Variants in EMC9 observed in about 807,000 individuals in gnomAD.
The protein encoded by EMC9 is ER membrane protein complex subunit 9.
Under a neutral mutation model 25.0 loss-of-function variants are expected in EMC9, and 20 were observed. The ratio of observed to expected loss-of-function variants is 0.80; its 90% CI spans 0.56 to 1.16. The LOEUF is 1.16. Among genes scored for constraint, EMC9 ranks in the 50% most tolerant of loss-of-function variants. The probability of loss-of-function intolerance (pLI) is 0.00; values close to 1 mark genes in which losing one functional copy is unlikely to be tolerated. For synonymous variants in EMC9, 100 were observed against 107.0 expected, an observed-to-expected ratio of 0.93 and a Z score of 0.40; for missense variants, 256 against 268.7, an observed-to-expected ratio of 0.95 and a Z score of 0.33.
rs568875469 is a variant in EMC9 at position 24,139,193 on chromosome 14, C to T, written c.444G>A (p.Val148=). The T allele has an allele frequency of 5.6e-6, 9 of 1,613,990 alleles. No individual in the cohort carries two copies. The highest frequency in any genetic ancestry group is 7.6e-6 in the Non-Finnish European group (9 of 1,179,972). ...GTGACTCTTCCCAGTCCCTCCACATCACTCTGAAATAGTAACCCCCATGGA... is the reference window on the plus strand; with the variant it reads ...GTGACTCTTCCCAGTCCCTCCACATTACTCTGAAATAGTAACCCCCATGGA... ...LRWVPKDKNL[V]MWRDWEESRQ... The change falls in exon 6 of 6, where the codon GTG becomes GTA. Residue 148 remains valine (V), a synonymous_variant. Transcript: ENST00000216799. This position sits in a 1 kb window ranked among gnomAD's most constrained non-coding sequence, Gnocchi z 4.6.
At chr14:24,140,810 C>CCCCCCCAA in intron 3 of EMC9, 79 bp downstream of exon 3, 1 of 1,478,708 alleles carries the variant, frequency 6.8e-7, no homozygotes, top group Admixed American at 1.8e-5. Context: ...GCCCACCGCC[C>CCCCCCCAA]CACGCATCCT....
Position 24,141,511 on chromosome 14 carries a change from G to C in EMC9, c.-86C>G. On this transcript the variant is annotated 5_prime_UTR_variant, in exon 1 of 6. Transcript: ENST00000216799. ...CCCGGCGCCCTGGGTCCCGGAGTCC[G>C]CCCCCGGCCCAGTCCAGGAGGAGGT... is the stretch of plus-strand genomic sequence containing the variant. 3 of 620,422 alleles carry C rather than the reference G, an allele frequency of 4.8e-6. No individual in the cohort carries two copies. In the South Asian group the frequency reaches 5.7e-5, roughly 12 times the overall value. The allele number at this position is 620,422 out of a possible 1,614,324, so 38.4% of individuals were successfully genotyped here. A position where few individuals can be genotyped will look rare whatever the true frequency, so the allele number is the denominator to read the frequency against.
rs1421591882 is a variant in EMC9, at chr14:24,139,462, G to A, written c.346-8C>T. 1 of 1,614,070 alleles carries A rather than the reference G, an allele frequency of 6.2e-7. No individual in the cohort carries two copies. Among genetic ancestry groups the A allele is most frequent in the East Asian group, 2.2e-5 (1 of 44,884 alleles). ...CAGTTTCTGATTATCCAACTGAGTG[G>A]ACAAAGATGGGCAAGTGAGAGTTTC... On this transcript the variant is annotated splice_polypyrimidine_tract_variant and splice_region_variant and intron_variant, in intron 4 of 5. Transcript: ENST00000216799. The surrounding 1 kb of genome is among the most constrained non-coding windows in gnomAD (Gnocchi z 4.6).
chr14:24,141,229 C>T lies in EMC9; in HGVS notation c.76G>A (p.Val26Ile), dbSNP rs142404249. 1.2e-6 allele frequency: 2 copies of T among 1,614,108 alleles called. No homozygotes were observed. The highest frequency in any genetic ancestry group is 1.7e-5 in the Admixed American group (1 of 60,010). ...GCTGGCGCCAAAAACAGCCCGTTGA[C>T]TGCGGCGTGTGGGTACCGGGCAGCA... ...LHAARYPHAAVNGLFLAPAPR... is the reference protein window; with the variant it reads ...LHAARYPHAAINGLFLAPAPR... The change falls in exon 2 of 6, where the codon GTC becomes ATC. Residue 26 changes from valine to isoleucine, a missense_variant. Physicochemically the swap from Val to Ile is conservative, Grantham distance 29. Transcript: ENST00000216799.
intron 3 of EMC9, 98 bp downstream of exon 3, chr14:24,140,791 C>T (rs1451283932): frequency 7.6e-7 from 1 of 1,322,682 alleles, no homozygotes; most frequent in Admixed American, 1.8e-5. Flanking sequence ...TCTTGTGCGC[C>T]CCCGCCCCGC....
At chr14:24,140,420 TAATA>T (rs2038025782) in intron 3 of EMC9, 1 of 151,012 alleles carries the variant, frequency 6.6e-6, no homozygotes, top group Non-Finnish European at 1.5e-5. Context: ...TAAAAAATAA[TAATA>T]AATTAAAAAA....
intron 3 of EMC9, chr14:24,140,414 AAAT>A (rs1232775280): frequency 6.6e-6 from 1 of 151,358 alleles, no homozygotes; most frequent in East Asian, 1.9e-4. Context: ...TAAAAATAAA[AAAT>A]AATAATAAAT....
Position 24,139,283 on chromosome 14 carries a change from T to G in EMC9, c.440+77A>C. On this transcript the variant is annotated intron_variant, in intron 5 of 5. Transcript: ENST00000216799. This position sits in a 1 kb window ranked among gnomAD's most constrained non-coding sequence, Gnocchi z 4.6. ...AGAGATTGGGTCTAGAGAAAGACCC[T>G]TGGGGCAGGGCCAAGGACAGAGGAG... 6.2e-7 allele frequency: 1 copy of G among 1,600,720 alleles called. No homozygotes were observed. Among genetic ancestry groups the G allele is most frequent in the South Asian group, 1.1e-5 (1 of 90,096 alleles).
At position 24,139,461 on chromosome 14, in the gene EMC9, G is replaced by A. The variant is rs2037995404; in HGVS notation, c.346-7C>T. 2 of 1,613,938 alleles carry A rather than the reference G, an allele frequency of 1.2e-6. No homozygotes were observed. Among genetic ancestry groups the A allele is most frequent in the Admixed American group, 1.7e-5 (1 of 59,988 alleles). On this transcript the variant is annotated splice_polypyrimidine_tract_variant and splice_region_variant and intron_variant, in intron 4 of 5. Coordinates refer to ENST00000216799, the MANE Select transcript of EMC9 (RefSeq NM_016049.4). This position sits in a 1 kb window ranked among gnomAD's most constrained non-coding sequence, Gnocchi z 4.6. ...CCAGTTTCTGATTATCCAACTGAGT[G>A]GACAAAGATGGGCAAGTGAGAGTTT...
At position 24,140,146 on chromosome 14, in the gene EMC9, A is replaced by AATATAT. The variant is rs57120459; in HGVS notation, c.276-538_276-533dup. 2.7e-3 allele frequency: 411 copies of AATATAT among 154,538 alleles called. 3 individuals carry two copies. Among genetic ancestry groups the AATATAT allele is most frequent in the African/African-American group, 9.7e-3 (395 of 40,556 alleles). The allele number at this position is 154,538 out of a possible 1,614,324, so 9.6% of individuals were successfully genotyped here. A position where few individuals can be genotyped will look rare whatever the true frequency, so the allele number is the denominator to read the frequency against. ...CTCTAATTGCTCCATGTATATGATT[A>AATATAT]ATATATATATATATATATATATGTC... is the stretch of plus-strand genomic sequence containing the variant. On this transcript the variant is annotated intron_variant, in intron 3 of 5. Coordinates refer to ENST00000216799, the MANE Select transcript of EMC9 (RefSeq NM_016049.4).
In EMC9 at chr14:24,139,708, C is replaced by T. The variant is rs1441747047; in HGVS notation, c.276-94G>A. The T allele has an allele frequency of 6.4e-7, 1 of 1,555,890 alleles. No individual in the cohort carries two copies. Among genetic ancestry groups the T allele is most frequent in the Non-Finnish European group, 8.7e-7 (1 of 1,149,720 alleles). ...CTCCCAGGTCTCATAGGTGTGGGCG[C>T]AGCTGTGGCCTTTCCCTGTAGGTGG... On this transcript the variant is annotated intron_variant, in intron 3 of 5. Transcript: ENST00000216799. This position sits in a 1 kb window ranked among gnomAD's most constrained non-coding sequence, Gnocchi z 4.6.
At chr14:24,140,802 C>G in intron 3 of EMC9, 87 bp downstream of exon 3, 1 of 1,374,044 alleles carries the variant, frequency 7.3e-7, no homozygotes. Context: ...CCCGCCCCGC[C>G]CACCGCCCCA....
rs779202856 is a variant in EMC9 at position 24,139,138 on chromosome 14, G to A, written c.499C>T (p.Arg167Trp). The A allele has an allele frequency of 9.3e-6, 15 of 1,614,176 alleles. No homozygotes were observed. Among genetic ancestry groups the A allele is most frequent in the East Asian group, 8.9e-5 (4 of 44,894 alleles). The stretch of plus-strand genomic sequence containing the variant: ...AAGTCCACAAGGTGCTGGTGGGCCC[G>A]ATCTTCCAGTAGAGCTCCCACCATC... Reference protein sequence around the residue: ...RQMVGALLEDRAHQHLVDFDC... With the variant: ...RQMVGALLEDWAHQHLVDFDC... The change falls in exon 6 of 6, where the codon CGG becomes TGG. Residue 167 changes from arginine to tryptophan, a missense_variant. Arg to Trp is a moderately radical substitution (Grantham distance 101). Coordinates refer to ENST00000216799, the MANE Select transcript of EMC9 (RefSeq NM_016049.4). The surrounding 1 kb of genome is among the most constrained non-coding windows in gnomAD (Gnocchi z 4.6).
chr14:24,140,916 T>C lies in EMC9; in HGVS notation c.248A>G (p.His83Arg). The change falls in exon 3 of 6, where the codon CAT (histidine) becomes CGT (arginine). Residue 83 changes from histidine (H) to arginine (R), a missense_variant. His to Arg is a conservative substitution (Grantham distance 29). Coordinates refer to ENST00000216799, the MANE Select transcript of EMC9 (RefSeq NM_016049.4). ...QAGLVVAGYY[H>R]ANAAVNDQSP... ...CTGATCGTTCACAGCTGCATTGGCA[T>C]GGTAGTAACCAGCCACCACCAGACC... The C allele has an allele frequency of 1.2e-6, 2 of 1,614,160 alleles. No homozygotes were observed. The highest frequency in any genetic ancestry group is 1.7e-6 in the Non-Finnish European group (2 of 1,180,020).
rs1194114357 is a variant in EMC9, at chr14:24,139,445, GATT to G, written c.352_354del (p.Asn118del). ...ACACGAGGCTGAGGCACCAGTTTCT[GATT>G]ATCCAACTGAGTGGACAAAGATGGG... is the stretch of plus-strand genomic sequence containing the variant. On this transcript the variant is annotated inframe_deletion, in exon 5 of 6. Coordinates refer to ENST00000216799, the MANE Select transcript of EMC9 (RefSeq NM_016049.4). The surrounding 1 kb of genome is among the most constrained non-coding windows in gnomAD (Gnocchi z 4.6). The G allele has an allele frequency of 6.2e-7, 1 of 1,614,026 alleles. No individual in the cohort carries two copies. The highest frequency in any genetic ancestry group is 8.5e-7 in the Non-Finnish European group (1 of 1,180,042).
rs757790489 is a variant in EMC9, at chr14:24,139,137, C to T, written c.500G>A (p.Arg167Gln). ...AAAGTCCACAAGGTGCTGGTGGGCC[C>T]GATCTTCCAGTAGAGCTCCCACCAT... ...RQMVGALLEDRAHQHLVDFDC... is the reference protein window; with the variant it reads ...RQMVGALLEDQAHQHLVDFDC... Residue 167 changes from arginine (R) to glutamine (Q), a missense_variant, in exon 6 of 6, where the codon CGG (arginine) becomes CAG (glutamine). Transcript: ENST00000216799. The surrounding 1 kb of genome is among the most constrained non-coding windows in gnomAD (Gnocchi z 4.6). 7.4e-6 allele frequency: 12 copies of T among 1,614,164 alleles called. No individual in the cohort carries two copies. The highest frequency in any genetic ancestry group is 2.2e-5 in the East Asian group (1 of 44,892).
rs1316705238 is a variant in EMC9, at chr14:24,139,274, G to A, written c.441-78C>T. 2 of 1,597,572 alleles carry A rather than the reference G, an allele frequency of 1.3e-6. No individual in the cohort carries two copies. The highest frequency in any genetic ancestry group is 4.5e-5 in the East Asian group (2 of 44,764). On this transcript the variant is annotated intron_variant, in intron 5 of 5. Coordinates refer to ENST00000216799, the MANE Select transcript of EMC9 (RefSeq NM_016049.4). The surrounding 1 kb of genome is among the most constrained non-coding windows in gnomAD (Gnocchi z 4.6). ...AGACTTAACAGAGATTGGGTCTAGA[G>A]AAAGACCCTTGGGGCAGGGCCAAGG...
rs374098537 is a variant in EMC9, at chr14:24,139,509, G to A, written c.345+36C>T. The A allele has an allele frequency of 6.2e-7, 1 of 1,612,630 alleles. No homozygotes were observed. The highest frequency in any genetic ancestry group is 8.5e-7 in the Non-Finnish European group (1 of 1,179,062). ...TTTCAAGGGTCCCCCCACCCTACTT[G>A]CTTTTCACCTCCCCACCCAGAAACC... On this transcript the variant is annotated intron_variant, in intron 4 of 5. Coordinates refer to ENST00000216799, the MANE Select transcript of EMC9 (RefSeq NM_016049.4). This position sits in a 1 kb window ranked among gnomAD's most constrained non-coding sequence, Gnocchi z 4.6.
Position 24,141,184 on chromosome 14 carries a change from G to A in EMC9, c.121C>T (p.Leu41=), listed in dbSNP as rs1277688146. Residue 41 remains leucine (L), a synonymous_variant, in exon 2 of 6, where the codon CTG becomes TTG. Coordinates refer to ENST00000216799, the MANE Select transcript of EMC9 (RefSeq NM_016049.4). ...LAPAPRSGEC[L]CLTDCVPLFH... The stretch of plus-strand genomic sequence containing the variant: ...AGGGGCACACAGTCGGTGAGGCACA[G>A]GCATTCTCCAGACCGCGGCGCTGGC... The A allele has an allele frequency of 6.2e-7, 1 of 1,614,162 alleles. No homozygotes were observed. The highest frequency in any genetic ancestry group is 1.3e-5 in the African/African-American group (1 of 75,074).
Sources: gnomAD v4.1 joint callset for allele counts on GRCh38, gnomAD v4.1.1 for gene constraint, Gnocchi (gnomAD v3.1) non-coding constraint, MANE v1.5 for transcripts, NCBI Gene and HGNC (gene_info 2026-07-23, HGNC 2026-07-21) for gene names.